The following NMNAT1 variants were observed in gnomAD, a reference collection of about 807,000 sequenced individuals.
The protein encoded by NMNAT1 is nicotinamide/nicotinic acid mononucleotide adenylyltransferase 1.
NMNAT1 carries 11 observed loss-of-function variants against 16.7 expected under a neutral mutation model. The ratio of observed to expected loss-of-function variants is 0.66; its 90% CI spans 0.41 to 1.09. The LOEUF (loss-of-function observed/expected upper bound fraction) is 1.09, where lower values mean the gene tolerates loss of function less well. Ranked by LOEUF, NMNAT1 falls within the 50% of genes least tolerant of loss-of-function variation. The pLI, the probability that NMNAT1 is intolerant of heterozygous loss-of-function variation, is 0.00. For synonymous variants in NMNAT1, 110 were observed against 119.8 expected (o/e 0.92, Z 0.53); for missense variants, 280 against 332.3 (o/e 0.84, Z 1.22).
In NMNAT1 at chr1:9,984,771, A is replaced by G. The variant is rs1030631341; in HGVS notation, c.*2070A>G. 6.6e-6 allele frequency: 1 copy of G among 152,182 alleles called. No homozygotes were observed. The highest frequency in any genetic ancestry group is 1.5e-5 in the Non-Finnish European group (1 of 68,036). The allele number at this position is 152,182 out of a possible 1,614,324, so 9.4% of individuals were successfully genotyped here. On this transcript the variant is annotated 3_prime_UTR_variant, in exon 5 of 5. Coordinates refer to ENST00000377205, the MANE Select transcript of NMNAT1 (RefSeq NM_022787.4). ...CCTGCAGTAAAAGTCCTTGATTGGCATCTTCATTCGGATGATGGAGAGCCT... is the reference window on the plus strand; with the variant it reads ...CCTGCAGTAAAAGTCCTTGATTGGCGTCTTCATTCGGATGATGGAGAGCCT...
At chr1:9,976,622 C>A (rs1641819483) in intron 3 of NMNAT1, among the ~76,000 whole-genome samples, 1 of 151,692 alleles carries the variant, frequency 6.6e-6, no homozygotes, top group African/African-American at 2.4e-5. Context: ...CTAATTATTT[C>A]TCTTTTTTTT....
At chr1:9,964,682 C>G (rs1045811409) in intron 1 of NMNAT1, among the ~76,000 whole-genome samples, 1 of 152,080 alleles carries the variant, frequency 6.6e-6, no homozygotes, top group Non-Finnish European at 1.5e-5. Context: ...GGCACGGTGG[C>G]TCATGCCTCT....
At chr1:9,957,445 C>T (rs191002058) in intron 1 of NMNAT1, among the ~76,000 whole-genome samples, 1 of 151,722 alleles carries the variant, frequency 6.6e-6, no homozygotes, top group East Asian at 1.9e-4. Flanking sequence ...CTGAGCCTCC[C>T]GAGTAGCTGG....
intron 1 of NMNAT1, among the ~76,000 whole-genome samples, chr1:9,963,810 A>T (rs1641481138): frequency 6.6e-6 from 1 of 152,220 alleles, no homozygotes; most frequent in Non-Finnish European, 1.5e-5. Context: ...ACTATAGATT[A>T]TCATTTGGAA....
At chr1:9,958,829 T>G (rs1400087598) in intron 1 of NMNAT1, among the ~76,000 whole-genome samples, 1 of 152,192 alleles carries the variant, frequency 6.6e-6, no homozygotes, top group Admixed American at 6.6e-5. Context: ...TAATACTAAG[T>G]TATCAATATT....
intron 1 of NMNAT1, among the ~76,000 whole-genome samples, chr1:9,965,141 A>T (rs550949649): frequency 1.3e-5 from 2 of 151,024 alleles, no homozygotes; most frequent in Non-Finnish European, 2.9e-5. Context: ...ACATGGTGAA[A>T]CCCTGTCTCT....
intron 1 of NMNAT1, chr1:9,967,561 A>G (rs1641577023): frequency 6.6e-6 from 1 of 152,170 alleles, no homozygotes; most frequent in Non-Finnish European, 1.5e-5. Context: ...GAGATTTTTC[A>G]TCTGGATAAG....
At chr1:9,951,481 T>TTTGC (rs146247998) in intron 1 of NMNAT1, among the ~76,000 whole-genome samples, 1 of 151,604 alleles carries the variant, frequency 6.6e-6, no homozygotes, top group Non-Finnish European at 1.5e-5. Flanking sequence ...GTTGTTGTTG[T>TTTGC]TTGTTTGTTT....
At chr1:9,979,663 G>A (rs930214791) in intron 3 of NMNAT1, among the ~76,000 whole-genome samples, 15 of 151,778 alleles carry the variant, frequency 9.9e-5, no homozygotes, top group African/African-American at 2.7e-4. Flanking sequence ...TTAGCCGGGC[G>A]TGGTGGTGGG....
chr1:9,979,658 C>T (rs531779028), intron 3 of NMNAT1, among the ~76,000 whole-genome samples: 15 of 151,502 alleles, frequency 9.9e-5, no homozygotes, highest in Non-Finnish European at 1.6e-4. Context: ...AAAAATTAGC[C>T]GGGCGTGGTG....
rs1400220756 is a variant in NMNAT1, at chr1:9,968,068, G to GTTTTTTTTTTT, written c.-56-3949_-56-3939dup. ...GCATGTTTGCTATTTGCCAAATGTAGTTTTTTTTTTTGTTTTTTTTTGAGA... is the reference window on the plus strand; with the variant it reads ...GCATGTTTGCTATTTGCCAAATGTAGTTTTTTTTTTTTTTTTTTTTTTGTTTTTTTTTGAGA... On this transcript the variant is annotated intron_variant, in intron 1 of 4. Transcript: ENST00000377205. Among the ~76,000 whole-genome samples the GTTTTTTTTTTT allele has an allele frequency of 1.8e-3, 118 of 63,908 alleles. 9 individuals carry two copies. Among genetic ancestry groups the GTTTTTTTTTTT allele is most frequent in the South Asian group, 6.3e-3 (10 of 1,596 alleles). 41.9% of individuals were successfully genotyped at this position (63,908 alleles called of 152,430 possible).
intron 1 of NMNAT1, among the ~76,000 whole-genome samples, chr1:9,956,732 T>G (rs1318410085): frequency 1.7e-5 from 2 of 118,496 alleles, no homozygotes; most frequent in African/African-American, 3.0e-5. Context: ...CTTGTTTACC[T>G]TTTTTTTTTT....
At chr1:9,943,795 G>C (rs973472817) in intron 1 of NMNAT1, among the ~76,000 whole-genome samples, 3 of 152,146 alleles carry the variant, frequency 2.0e-5, no homozygotes, top group African/African-American at 7.2e-5. Flanking sequence ...AGGCTTAACG[G>C]GGGACGGCTG....
the NMNAT1 span, among the ~76,000 whole-genome samples, chr1:9,993,867 C>G: frequency 6.6e-6 from 1 of 152,066 alleles, no homozygotes; most frequent in Non-Finnish European, 1.5e-5. Context: ...GTTTCAGATG[C>G]CTTTAAGATA....
intron 1 of NMNAT1, among the ~76,000 whole-genome samples, chr1:9,950,286 T>G (rs41280780): frequency 0.18 from 26,721 of 152,114 alleles, 3,592 homozygotes; most frequent in African/African-American, 0.37. Context: ...TGACAGGGTT[T>G]TGACATGTTG....
At chr1:9,951,455 G>GTT (rs372572948) in intron 1 of NMNAT1, among the ~76,000 whole-genome samples, 3 of 134,522 alleles carry the variant, frequency 2.2e-5, no homozygotes, top group African/African-American at 7.8e-5. Context: ...AACAGCTTCA[G>GTT]TTTTTTTTTG....
At chr1:9,968,094 T>C (rs1440213027) in intron 1 of NMNAT1, among the ~76,000 whole-genome samples, 1 of 149,098 alleles carries the variant, frequency 6.7e-6, no homozygotes, top group African/African-American at 2.4e-5. Flanking sequence ...TTTTTTGAGA[T>C]GGAGTCTCGC....
chr1:9,976,076 C>T (rs966510459), intron 3 of NMNAT1, among the ~76,000 whole-genome samples: 1 of 152,088 alleles, frequency 6.6e-6, no homozygotes, highest in South Asian at 2.1e-4. Context: ...CAGCTGAGGT[C>T]AGGAGTTCGA....
At chr1:9,956,684 A>G (rs1313212562) in intron 1 of NMNAT1, among the ~76,000 whole-genome samples, 2 of 150,842 alleles carry the variant, frequency 1.3e-5, no homozygotes, top group East Asian at 2.0e-4. Flanking sequence ...TGGCCTCCCA[A>G]AGTGCTTGGA....
Sources: gnomAD v4.1 joint callset for allele counts (sites outside exome capture counted in the v4.1 genomes callset) on GRCh38, gnomAD v4.1.1 for gene constraint, MANE v1.5 for transcripts, NCBI Gene and HGNC (gene_info 2026-07-23, HGNC 2026-07-21) for gene names.